The following ANK2 variants were observed in gnomAD, a reference collection of about 807,000 sequenced individuals.
The protein encoded by ANK2 is ankyrin 2.
A neutral mutation model predicts 360.5 loss-of-function variants in ANK2; 83 were observed. The observed-to-expected ratio is 0.23, with a 90% CI of 0.19 to 0.28. The LOEUF is 0.28. Among genes scored for constraint, ANK2 ranks in the 10% least tolerant of loss-of-function variants. The probability of loss-of-function intolerance (pLI) is 1.00; values close to 1 mark genes in which losing one functional copy is unlikely to be tolerated. For missense variants in ANK2, 4,201 were observed against 4,795.7 expected, an observed-to-expected ratio of 0.88 and a Z score of 3.66; for synonymous variants, 1,740 against 1,759.5, an observed-to-expected ratio of 0.99 and a Z score of 0.28.
chr4:112,970,079 G>A (rs983411535), intron 2 of ANK2, among the ~76,000 whole-genome samples: 1 of 151,430 alleles, frequency 6.6e-6, no homozygotes, highest in African/African-American at 2.4e-5. Flanking sequence ...CGCCTCCCAG[G>A]TTCAAGCAAT....
In ANK2 at chr4:113,032,066, T is replaced by A. The variant is rs117894325; in HGVS notation, c.21+127552T>A. Among the ~76,000 whole-genome samples the A allele has an allele frequency of 6.3e-3, 963 of 152,096 alleles. 20 individuals carry two copies. Among genetic ancestry groups the A allele is most frequent in the East Asian group, 0.054 (281 of 5,160 alleles). On this transcript the variant is annotated intron_variant, in intron 2 of 30. Coordinates refer to the ANK2 transcript ENST00000503271. ...TTCTCAAACCCAAACATCCCAAAAATCCTTGACAGGAACGCTAATGCTATC... is the reference window on the plus strand; with the variant it reads ...TTCTCAAACCCAAACATCCCAAAAAACCTTGACAGGAACGCTAATGCTATC...
chr4:112,832,534 T>C (rs1398969421), intron 1 of ANK2, among the ~76,000 whole-genome samples: 4 of 152,254 alleles, frequency 2.6e-5, no homozygotes, highest in Admixed American at 6.5e-5. Context: ...TTTGTTGATA[T>C]GGATAAAAGC....
At chr4:112,821,669 T>C (rs915645191) in intron 1 of ANK2, among the ~76,000 whole-genome samples, 2 of 151,964 alleles carry the variant, frequency 1.3e-5, no homozygotes, top group Non-Finnish European at 2.9e-5. Flanking sequence ...TGCTGTCTTC[T>C]ACCCTAATTA....
At chr4:113,191,980 C>T (rs2098672683) in intron 2 of ANK2, among the ~76,000 whole-genome samples, 1 of 152,086 alleles carries the variant, frequency 6.6e-6, no homozygotes, top group Non-Finnish European at 1.5e-5. Context: ...ATTGTCAGTC[C>T]TTTTATTTGC....
upstream of ANK2, among the ~76,000 whole-genome samples, chr4:113,044,861 G>A (rs28539515): frequency 6.3e-3 from 965 of 152,000 alleles, 11 homozygotes; most frequent in African/African-American, 0.022. Flanking sequence ...TCTTTTAGGG[G>A]GACACAGTTC....
chr4:113,292,588 G>A lies in ANK2; in HGVS notation c.2376+74G>A, dbSNP rs538012687. Reference sequence around the variant, plus strand: ...CTTGCCCTGGTGGCTTCTTGTCTGAGCTGAGTGAGGTCAGATTCCTCCTCT... The same window carrying A: ...CTTGCCCTGGTGGCTTCTTGTCTGAACTGAGTGAGGTCAGATTCCTCCTCT... On this transcript the variant is annotated intron_variant, in intron 21 of 45. Transcript: ENST00000357077. The A allele has an allele frequency of 2.6e-4, 361 of 1,387,442 alleles. 2 individuals carry two copies. The African/African-American group carries it at 4.6e-3, about 18-fold the overall frequency. 85.9% of individuals were successfully genotyped at this position (1,387,442 alleles called of 1,614,324 possible).
At chr4:112,960,352 T>TG (rs2034131113) in intron 2 of ANK2, among the ~76,000 whole-genome samples, 1 of 152,044 alleles carries the variant, frequency 6.6e-6, no homozygotes, top group Non-Finnish European at 1.5e-5. Context: ...TCTGCCTTTT[T>TG]TTTTTTTTAA....
At chr4:113,140,306 G>A (rs530151900) in intron 1 of ANK2, among the ~76,000 whole-genome samples, 8 of 152,212 alleles carry the variant, frequency 5.3e-5, no homozygotes, top group African/African-American at 1.7e-4. Flanking sequence ...TTAGATAAAC[G>A]CATTTGAGTG....
chr4:113,194,075 C>T (rs745834670), intron 2 of ANK2, among the ~76,000 whole-genome samples: 6 of 152,050 alleles, frequency 3.9e-5, no homozygotes, highest in East Asian at 1.9e-4. Context: ...AAATATTTAT[C>T]GGGACAAAAA....
intron 2 of ANK2, among the ~76,000 whole-genome samples, chr4:113,025,367 C>T (rs1210362242): frequency 2.0e-5 from 3 of 152,164 alleles, no homozygotes; most frequent in Non-Finnish European, 2.9e-5. Context: ...GGGGAATCTG[C>T]CTGGGTGTCC....
chr4:113,177,656 T>C (rs1230793450), intron 2 of ANK2, among the ~76,000 whole-genome samples: 1 of 152,210 alleles, frequency 6.6e-6, no homozygotes, highest in African/African-American at 2.4e-5. Context: ...ACTCAATTCT[T>C]ATCATATTTA....
At chr4:112,773,090 G>T in the ANK2 span, among the ~76,000 whole-genome samples, 1 of 152,080 alleles carries the variant, frequency 6.6e-6, no homozygotes, top group Non-Finnish European at 1.5e-5. Flanking sequence ...GGTCGAGGTG[G>T]GCAGATCACT....
At chr4:112,875,242 C>A (rs565181967) in intron 1 of ANK2, among the ~76,000 whole-genome samples, 10 of 152,226 alleles carry the variant, frequency 6.6e-5, no homozygotes, top group Non-Finnish European at 1.0e-4. Flanking sequence ...TGGTCTCAAA[C>A]TCCTGACTTC....
rs1487258724 is a variant in ANK2 at position 112,874,459 on chromosome 4, G to A, written c.-39-29996G>A. On this transcript the variant is annotated intron_variant, in intron 1 of 30. Coordinates refer to the ANK2 transcript ENST00000503271. ...TGTTTGAGACCAGCCTGACCAACAT[G>A]GTGAAACCCCATCTCCACTGAAAAT... Among the ~76,000 whole-genome samples the A allele has an allele frequency of 2.6e-5, 4 of 151,156 alleles. No individual in the cohort carries two copies. The East Asian group carries it at 8.0e-4, about 30-fold the overall frequency.
At chr4:113,157,845 G>A (rs13107459) in intron 1 of ANK2, among the ~76,000 whole-genome samples, 104,227 of 152,060 alleles carry the variant, frequency 0.69, 36,273 homozygotes, top group African/African-American at 0.8. Context: ...TTACCCCAAA[G>A]TATACAGATG....
intron 26 of ANK2, among the ~76,000 whole-genome samples, chr4:113,323,029 T>C (rs972643471): frequency 6.6e-6 from 1 of 152,172 alleles, no homozygotes; most frequent in Non-Finnish European, 1.5e-5. Context: ...CTTTTGTATG[T>C]CATTAGGGTT....
At chr4:112,921,049 T>C (rs548121369) in intron 2 of ANK2, among the ~76,000 whole-genome samples, 3 of 150,770 alleles carry the variant, frequency 2.0e-5, no homozygotes, top group Non-Finnish European at 4.4e-5. Flanking sequence ...ATTTTCTTTT[T>C]CTCTTTTTTT....
intron 13 of ANK2, among the ~76,000 whole-genome samples, chr4:113,261,819 G>A (rs1340432165): frequency 6.6e-6 from 1 of 152,084 alleles, no homozygotes; most frequent in African/African-American, 2.4e-5. Flanking sequence ...TAAAATAAAG[G>A]TTTTAGAAAT....
intron 1 of ANK2, among the ~76,000 whole-genome samples, chr4:113,051,170 A>G (rs1461460060): frequency 6.6e-6 from 1 of 152,204 alleles, no homozygotes; most frequent in Non-Finnish European, 1.5e-5. Flanking sequence ...ATAAAAAAAG[A>G]AAAAGAAAAT....
Sources: gnomAD v4.1 joint callset for allele counts (sites outside exome capture counted in the v4.1 genomes callset) on GRCh38, gnomAD v4.1.1 for gene constraint, MANE v1.5 for transcripts, NCBI Gene and HGNC (gene_info 2026-07-23, HGNC 2026-07-21) for gene names.